Variants in GMEB2 observed in about 807,000 individuals in gnomAD.
GMEB2 encodes the protein glucocorticoid modulatory element-binding protein 2.
A neutral mutation model predicts 45.7 loss-of-function variants in GMEB2; 7 were observed. The observed-to-expected ratio is 0.15, with a 90% CI of 0.09 to 0.29. GMEB2 has a LOEUF of 0.29. Ranked by LOEUF, GMEB2 falls within the 10% of genes least tolerant of loss-of-function variation. The probability of loss-of-function intolerance (pLI) is 1.00; values close to 1 mark genes in which losing one functional copy is unlikely to be tolerated. For missense variants in GMEB2, 582 were observed against 739.2 expected (o/e 0.79, Z 2.47); for synonymous variants, 322 against 323.6 (o/e 1.00, Z 0.05).
At chr20:63,626,426 TGCGGG>T (rs2089673226) in intron 1 of GMEB2, among the ~76,000 whole-genome samples, 4 of 45,100 alleles carry the variant, frequency 8.9e-5, no homozygotes, top group Non-Finnish European at 1.9e-4. Flanking sequence ...GTCGGGTGCC[TGCGGG>T]GTGGCCCCTG....
intron 1 of GMEB2, 86 bp downstream of exon 1, chr20:63,626,870 G>C (rs2089678703): frequency 6.8e-6 from 1 of 146,610 alleles, no homozygotes; most frequent in Non-Finnish European, 1.5e-5. Flanking sequence ...CTGACGCTCC[G>C]CAGGGACCCC....
At chr20:63,621,667 CAAAAAAAAAAAAAAAAAA>C (rs56222018) in intron 1 of GMEB2, among the ~76,000 whole-genome samples, 956 of 54,648 alleles carry the variant, frequency 0.017, 36 homozygotes, top group Admixed American at 0.052. Flanking sequence ...AACTCCATCT[CAAAAAAAAAAAAAAAAAA>C]AAAAAAAAAA....
chr20:63,603,053 A>G lies in GMEB2; in HGVS notation c.269T>C (p.Ile90Thr), dbSNP rs369041738. 1.6e-4 allele frequency: 254 copies of G among 1,613,764 alleles called. No homozygotes were observed. The highest frequency in any genetic ancestry group is 2.1e-4 in the Non-Finnish European group (242 of 1,179,848). The change falls in exon 4 of 10, where the codon ATT becomes ACT. Residue 90 changes from isoleucine (I) to threonine (T), a missense_variant. Physicochemically the swap from Ile to Thr is moderately conservative, Grantham distance 89. Transcript: ENST00000370077. ...GTCTCCACAGGTGATGGGGTACACA[A>G]TCTCAGCTTCCAGGTTCTCCCCCTC... is the stretch of plus-strand genomic sequence containing the variant. ...AEEGENLEAE[I>T]VYPITCGDSR...
intron 2 of GMEB2, among the ~76,000 whole-genome samples, chr20:63,609,925 C>T (rs1358163839): frequency 5.4e-5 from 8 of 148,596 alleles, no homozygotes; most frequent in Admixed American, 6.7e-5. Context: ...GCCCCTCTGA[C>T]CCCACCTCCA....
chr20:63,605,403 C>T (rs1044600241), intron 2 of GMEB2, among the ~76,000 whole-genome samples: 1 of 150,458 alleles, frequency 6.6e-6, no homozygotes, highest in Non-Finnish European at 1.5e-5. Context: ...TGTGGTGGCT[C>T]GAGCCCGTAA....
chr20:63,602,285 G>A (rs35897249), intron 4 of GMEB2, among the ~76,000 whole-genome samples: 76,696 of 152,004 alleles, frequency 0.5, 20,456 homozygotes, highest in Middle Eastern at 0.66. Context: ...CCCTCTGCCA[G>A]GGACAAGAGG....
intron 5 of GMEB2, among the ~76,000 whole-genome samples, chr20:63,596,573 G>A (rs972820525): frequency 6.6e-6 from 1 of 152,224 alleles, no homozygotes; most frequent in African/African-American, 2.4e-5. Context: ...CAGTTCAGCT[G>A]GACAGGGAAA....
intron 9 of GMEB2, among the ~76,000 whole-genome samples, chr20:63,590,976 C>G (rs192599042): frequency 3.9e-5 from 6 of 152,126 alleles, no homozygotes; most frequent in Non-Finnish European, 7.4e-5. Flanking sequence ...TGCACTGACC[C>G]GGGGCCTGTG....
At position 63,591,395 on chromosome 20, in the gene GMEB2, G is replaced by A. The variant is rs2083146382; in HGVS notation, c.952+627C>T. ...ACACAGTAAGCACAGACCCCAAGAGGAGCATGGAGGAAACGCACCAATATC... is the reference window on the plus strand; with the variant it reads ...ACACAGTAAGCACAGACCCCAAGAGAAGCATGGAGGAAACGCACCAATATC... On this transcript the variant is annotated intron_variant, in intron 9 of 9. Coordinates refer to ENST00000370077, the MANE Select transcript of GMEB2 (RefSeq NM_012384.5). Among the ~76,000 whole-genome samples, 4 of 152,140 alleles carry A rather than the reference G, an allele frequency of 2.6e-5. No homozygotes were observed. The South Asian group carries it at 8.3e-4, about 32-fold the overall frequency.
At chr20:63,594,646 G>A (rs757556977) in intron 6 of GMEB2, among the ~76,000 whole-genome samples, 2 of 152,232 alleles carry the variant, frequency 1.3e-5, no homozygotes, top group African/African-American at 2.4e-5. Flanking sequence ...CCAGCAATGC[G>A]GAGTGGCAGC....
At chr20:63,595,952 TGAA>T (rs1226893686) in intron 5 of GMEB2, among the ~76,000 whole-genome samples, 185 bp from the exon 6 acceptor site, 3 of 152,214 alleles carry the variant, frequency 2.0e-5, no homozygotes, top group Non-Finnish European at 4.4e-5. Context: ...ACCCTGCTGC[TGAA>T]GAAGCAGCCG....
rs765478710 is a variant in GMEB2, at chr20:63,593,090, C to T, written c.620-8G>A. 11 of 1,595,594 alleles carry T rather than the reference C, an allele frequency of 6.9e-6. No homozygotes were observed. Among genetic ancestry groups the T allele is most frequent in the East Asian group, 4.5e-5 (2 of 44,734 alleles). On this transcript the variant is annotated splice_polypyrimidine_tract_variant and splice_region_variant and intron_variant, in intron 6 of 9. Coordinates refer to ENST00000370077, the MANE Select transcript of GMEB2 (RefSeq NM_012384.5). This position sits in a 1 kb window ranked among gnomAD's most constrained non-coding sequence, Gnocchi z 4.7. ...TCGCAGGAGACCCATTCACTGCAGC[C>T]GAAAGGGAACCTCGGGTGAGTGCTG...
Position 63,597,819 on chromosome 20 carries a change from C to T in GMEB2, c.399G>A (p.Leu133=). 6.2e-7 allele frequency: 1 copy of T among 1,611,844 alleles called. No homozygotes were observed. The part of the protein sequence containing the change: ...HVISPKEFVH[L]AGKSTLKDWK... ...AGTCCTTCAGGGTGGACTTCCCGGC[C>T]AGGTGCACAAATTCCTTTGGGCTGA... is the stretch of plus-strand genomic sequence containing the variant. The change falls in exon 5 of 10, where the codon CTG becomes CTA. Residue 133 remains leucine (L), a synonymous_variant. Coordinates refer to ENST00000370077, the MANE Select transcript of GMEB2 (RefSeq NM_012384.5).
chr20:63,610,534 A>G (rs1601026060), intron 2 of GMEB2, among the ~76,000 whole-genome samples: 1 of 152,162 alleles, frequency 6.6e-6, no homozygotes, highest in South Asian at 2.1e-4. Flanking sequence ...AAAAGAAAAC[A>G]AAACAAAAAA....
chr20:63,626,492 G>T (rs200438940), intron 1 of GMEB2, among the ~76,000 whole-genome samples: 1 of 56,256 alleles, frequency 1.8e-5, no homozygotes, highest in South Asian at 4.8e-4. Context: ...CTTGTGGGTC[G>T]CGTCCCTGTG....
chr20:63,615,955 T>C (rs1482672042), intron 2 of GMEB2, among the ~76,000 whole-genome samples: 1 of 152,248 alleles, frequency 6.6e-6, no homozygotes, highest in Non-Finnish European at 1.5e-5. Flanking sequence ...TCTAAGGTGT[T>C]GACAGTAGGA....
chr20:63,606,523 A>G (rs2089520689), intron 2 of GMEB2, among the ~76,000 whole-genome samples: 1 of 151,972 alleles, frequency 6.6e-6, no homozygotes, highest in South Asian at 2.1e-4. Context: ...AATTTTTTGT[A>G]TTTTTGTTAG....
chr20:63,624,727 A>T (rs2089659750), intron 1 of GMEB2, among the ~76,000 whole-genome samples: 1 of 152,172 alleles, frequency 6.6e-6, no homozygotes, highest in African/African-American at 2.4e-5. Context: ...TCTTTTTTTG[A>T]GACGGAGTCT....
chr20:63,626,570 C>T (rs1211717393), intron 1 of GMEB2, among the ~76,000 whole-genome samples: 3 of 146,052 alleles, frequency 2.1e-5, no homozygotes, highest in South Asian at 4.3e-4. Flanking sequence ...CCCTGCGGGT[C>T]GGGTGCCTGC....
Sources: gnomAD v4.1 joint callset for allele counts (sites outside exome capture counted in the v4.1 genomes callset) on GRCh38, gnomAD v4.1.1 for gene constraint, Gnocchi (gnomAD v3.1) non-coding constraint, MANE v1.5 for transcripts, NCBI Gene and HGNC (gene_info 2026-07-23, HGNC 2026-07-21) for gene names.